The following SLC6A16 variants were observed in gnomAD, a reference collection of about 807,000 sequenced individuals.
The protein encoded by SLC6A16 is solute carrier family 6 member 16.
Under a neutral mutation model 65.4 loss-of-function variants are expected in SLC6A16, and 54 were observed. The observed-to-expected ratio is 0.83, with a 90% confidence interval of 0.66 to 1.04. The LOEUF (loss-of-function observed/expected upper bound fraction) is 1.04, where lower values mean the gene tolerates loss of function less well. Among genes scored for constraint, SLC6A16 ranks in the 50% least tolerant of loss-of-function variants. The pLI is 0.00. For missense variants in SLC6A16, 816 were observed against 914.0 expected (o/e 0.89, Z 1.38); for synonymous variants, 330 against 346.5 (o/e 0.95, Z 0.53).
At chr19:49,305,619 A>G (rs1412815644) in intron 7 of SLC6A16, 2 of 151,462 alleles carry the variant, frequency 1.3e-5, no homozygotes, top group East Asian at 1.9e-4. Context: ...AAGAAGAAGA[A>G]GAGCAGTGAG....
Position 49,291,764 on chromosome 19 carries a change from G to A in SLC6A16, c.1779-997C>T, listed in dbSNP as rs148120022. Reference sequence around the variant, plus strand: ...CTCAATCTCAATAAATATACAAGTGGGGTCTCTTGGTCTAGGGTGCCCATC... The same window carrying A: ...CTCAATCTCAATAAATATACAAGTGAGGTCTCTTGGTCTAGGGTGCCCATC... On this transcript the variant is annotated intron_variant, in intron 10 of 11. Coordinates refer to ENST00000335875, the MANE Select transcript of SLC6A16 (RefSeq NM_014037.3). Among the ~76,000 whole-genome samples, 384 of 151,830 alleles carry A rather than the reference G, an allele frequency of 2.5e-3. 2 individuals are homozygous for A. Among genetic ancestry groups the A allele is most frequent in the African/African-American group, 8.8e-3 (365 of 41,398 alleles).
the SLC6A16 span, chr19:49,338,155 G>C: frequency 6.8e-7 from 1 of 1,461,604 alleles, no homozygotes; most frequent in Non-Finnish European, 9.0e-7. The surrounding 1 kb of genome is among the most constrained non-coding windows in gnomAD (Gnocchi z 5.0). Flanking sequence ...ATCCCTCCCA[G>C]GCCCGACGCT....
At position 49,310,455 on chromosome 19, in the gene SLC6A16, G is replaced by T. The variant is rs111272025; in HGVS notation, c.471C>A (p.Leu157=). The T allele has an allele frequency of 3.7e-6, 6 of 1,614,042 alleles. No homozygotes were observed. The African/African-American group carries it at 5.3e-5, about 14-fold the overall frequency. The part of the protein sequence containing the change: ...FMLFLVGVPL[L]FLEMAAGQSM... ...TCTGACCAGCTGCCATCTCCAGGAA[G>T]AGAAGAGGAACCCCGACCAGGAACA... Residue 157 remains leucine, a synonymous_variant, in exon 3 of 12, where the codon CTC becomes CTA. Transcript: ENST00000335875.
At chr19:49,338,074 G>A in the SLC6A16 span, 1 of 1,602,094 alleles carries the variant, frequency 6.2e-7, no homozygotes, top group Non-Finnish European at 8.5e-7. This position sits in a 1 kb window ranked among gnomAD's most constrained non-coding sequence, Gnocchi z 5.0. Flanking sequence ...ACCCGCCTCA[G>A]CCCTGTGCTT....
intron 7 of SLC6A16, among the ~76,000 whole-genome samples, chr19:49,304,406 C>T (rs1001769838): frequency 1.3e-5 from 2 of 152,178 alleles, no homozygotes; most frequent in African/African-American, 2.4e-5. Flanking sequence ...CCCTTGTTAT[C>T]GATCTCTGTA....
chr19:49,335,366 C>T, the SLC6A16 span: 1 of 622,168 alleles, frequency 1.6e-6, no homozygotes, highest in Non-Finnish European at 2.9e-6. The surrounding 1 kb of genome is among the most constrained non-coding windows in gnomAD (Gnocchi z 4.6). Context: ...AGCCACCTTA[C>T]ATGAAGCGGG....
At chr19:49,336,120 C>A in the SLC6A16 span, 1 of 361,426 alleles carries the variant, frequency 2.8e-6, no homozygotes, top group Non-Finnish European at 5.1e-6. Context: ...GTAAAAGAGC[C>A]AAAATAACAT....
chr19:49,299,379 C>T (rs1353671043), intron 7 of SLC6A16, among the ~76,000 whole-genome samples: 2 of 151,070 alleles, frequency 1.3e-5, no homozygotes, highest in East Asian at 2.0e-4. Context: ...CATGAGGAAA[C>T]TCTGTCTCTA....
Position 49,294,392 on chromosome 19 carries a change from C to T in SLC6A16, c.1391G>A (p.Cys464Tyr), listed in dbSNP as rs530003022. Residue 464 changes from cysteine (C) to tyrosine (Y), a missense_variant, in exon 8 of 12, where the codon TGC (cysteine) becomes TAC (tyrosine). Cys to Tyr is a radical substitution (Grantham distance 194, BLOSUM62 -2). Transcript: ENST00000335875. ...KSMVLREVTE[C>Y]NIETQFLKAS... ...CTTAAGAAACTGAGTCTCTATGTTG[C>T]ACTCAGTCACCTCGCGGAGAACCAT... 9 of 1,614,072 alleles carry T rather than the reference C, an allele frequency of 5.6e-6. No individual in the cohort carries two copies. The highest frequency in any genetic ancestry group is 2.2e-5 in the East Asian group (1 of 44,876).
At chr19:49,308,807 T>C (rs779503344) in intron 7 of SLC6A16, 69 bp downstream of exon 7, 195 of 1,593,124 alleles carry the variant, frequency 1.2e-4, no homozygotes, top group Middle Eastern at 3.4e-4. Context: ...TGCAGCACCT[T>C]TAAGGTTAGG....
intron 7 of SLC6A16, among the ~76,000 whole-genome samples, chr19:49,305,379 G>A (rs746761942): frequency 6.6e-6 from 1 of 152,012 alleles, no homozygotes; most frequent in Non-Finnish European, 1.5e-5. Flanking sequence ...ATCACTTGAG[G>A]TCAGGAGTTT....
intron 7 of SLC6A16, among the ~76,000 whole-genome samples, chr19:49,303,652 CAAAAAAA>C (rs59791436): frequency 2.3e-5 from 2 of 87,924 alleles, no homozygotes; most frequent in Admixed American, 2.4e-4. Flanking sequence ...GAGACTGTCT[CAAAAAAA>C]AAAAAAGAAA....
At chr19:49,338,761 ACGGGT>A in the SLC6A16 span, 1 of 1,613,648 alleles carries the variant, frequency 6.2e-7, no homozygotes, top group Non-Finnish European at 8.5e-7. The surrounding 1 kb of genome is among the most constrained non-coding windows in gnomAD (Gnocchi z 5.0). Flanking sequence ...CTGAGAGGTA[ACGGGT>A]CGGAGGCGCA....
chr19:49,301,258 T>G (rs1234907681), intron 7 of SLC6A16, among the ~76,000 whole-genome samples: 1 of 151,926 alleles, frequency 6.6e-6, no homozygotes. Context: ...ATAACCCTCT[T>G]TCAGGGATAA....
At position 49,292,308 on chromosome 19, in the gene SLC6A16, A is replaced by G. The variant is rs1235445555; in HGVS notation, c.1778+915T>C. Among the ~76,000 whole-genome samples the G allele has an allele frequency of 2.0e-5, 3 of 152,160 alleles. No individual in the cohort carries two copies. The highest frequency in any genetic ancestry group is 4.4e-5 in the Non-Finnish European group (3 of 68,022). ...CTTGAACCCGGGAGGCGGAGGTTGC[A>G]GTGAGCTGAGATCGCACCACTGCAC... On this transcript the variant is annotated intron_variant, in intron 10 of 11. Transcript: ENST00000335875. The surrounding 1 kb of genome is among the most constrained non-coding windows in gnomAD (Gnocchi z 4.3).
chr19:49,312,489 TC>T, intron 1 of SLC6A16: 1 of 874,078 alleles, frequency 1.1e-6, no homozygotes, highest in Non-Finnish European at 1.4e-6. Context: ...CTGCTCTATC[TC>T]CAGCAAAAGG....
the SLC6A16 span, chr19:49,335,566 G>A: frequency 2.5e-6 from 4 of 1,613,894 alleles, no homozygotes; most frequent in Non-Finnish European, 3.4e-6. This position sits in a 1 kb window ranked among gnomAD's most constrained non-coding sequence, Gnocchi z 4.6. Flanking sequence ...AGCTGCCTCA[G>A]CCTCATCAAG....
chr19:49,329,422 T>C (rs8103834), upstream of SLC6A16, among the ~76,000 whole-genome samples: 4,357 of 151,820 alleles, frequency 0.029, 198 homozygotes, highest in African/African-American at 0.1. Context: ...AAATTTGGGG[T>C]AATTTGTTAC....
At chr19:49,313,558 T>G (rs1970563401) in intron 1 of SLC6A16, among the ~76,000 whole-genome samples, 1 of 143,622 alleles carries the variant, frequency 7.0e-6, no homozygotes, top group Non-Finnish European at 1.5e-5. Context: ...GGCAGGCGGA[T>G]CACTTGAGGT....
Sources: gnomAD v4.1 joint callset for allele counts (sites outside exome capture counted in the v4.1 genomes callset) on GRCh38, gnomAD v4.1.1 for gene constraint, Gnocchi (gnomAD v3.1) non-coding constraint, MANE v1.5 for transcripts, NCBI Gene and HGNC (gene_info 2026-07-23, HGNC 2026-07-21) for gene names.